Variants in RANBP9 observed in about 807,000 individuals in gnomAD.
RANBP9 encodes ran-binding protein 9.
A neutral mutation model predicts 84.3 loss-of-function variants in RANBP9; 15 were observed. The ratio of observed to expected loss-of-function variants is 0.18; its 90% confidence interval spans 0.12 to 0.27. The LOEUF is 0.27. Ranked by LOEUF, RANBP9 falls within the 10% of genes least tolerant of loss-of-function variation. The probability of loss-of-function intolerance (pLI) is 1.00; values close to 1 mark genes in which losing one functional copy is unlikely to be tolerated. For missense variants in RANBP9, 809 were observed against 912.8 expected (o/e 0.89, Z 1.46); for synonymous variants, 392 against 349.6 (o/e 1.12, Z -1.35).
At chr6:13,680,070 G>C (rs972999799) in intron 2 of RANBP9, among the ~76,000 whole-genome samples, 1 of 152,006 alleles carries the variant, frequency 6.6e-6, no homozygotes, top group African/African-American at 2.4e-5. Flanking sequence ...TTAAAATAAC[G>C]AAGTTAGTCA....
chr6:13,681,850 T>C (rs1766048289), intron 2 of RANBP9, among the ~76,000 whole-genome samples: 2 of 151,958 alleles, frequency 1.3e-5, no homozygotes, highest in East Asian at 1.9e-4. Context: ...GTGAACCTTC[T>C]GTGAAGTGCC....
rs61237158 is a variant in RANBP9, at chr6:13,692,527, C to CAAA, written c.683+4255_683+4257dup. The stretch of plus-strand genomic sequence containing the variant: ...GGGCAACAAGAGCGAAACTCCGTCT[C>CAAA]AAAAAAAAAAAAAAAAAAAAAAAAA... On this transcript the variant is annotated intron_variant, in intron 2 of 13. Transcript: ENST00000011619. 9.3e-3 allele frequency among the ~76,000 whole-genome samples: 266 copies of CAAA among 28,672 alleles called. 37 individuals are homozygous for CAAA. Among genetic ancestry groups the CAAA allele is most frequent in the South Asian group, 0.02 (7 of 348 alleles). The allele number at this position is 28,672 out of a possible 152,430, so 18.8% of individuals were successfully genotyped here.
intron 2 of RANBP9, among the ~76,000 whole-genome samples, chr6:13,676,846 A>C (rs1189771491): frequency 1.3e-5 from 2 of 152,126 alleles, no homozygotes; most frequent in African/African-American, 4.8e-5. Context: ...TAAACTAGGA[A>C]TAGAGGGGGA....
chr6:13,711,266 C>G lies in RANBP9; in HGVS notation c.240G>C (p.Ala80=). 1.0e-6 allele frequency: 1 copy of G among 979,226 alleles called. No individual in the cohort carries two copies. Among genetic ancestry groups the G allele is most frequent in the Non-Finnish European group, 1.2e-6 (1 of 825,776 alleles). The allele number at this position is 979,226 out of a possible 1,614,324, so 60.7% of individuals were successfully genotyped here. A position where few individuals can be genotyped will look rare whatever the true frequency, so the allele number is the denominator to read the frequency against. The change falls in exon 1 of 14, where the codon GCG becomes GCC. Residue 80 remains alanine, a synonymous_variant. Transcript: ENST00000011619. ...HPPPPPPPAT[A]APPPPPPPPP... ...GGGGCGGCGGCGGGGGCGGCGGGGC[C>G]GCGGTGGCCGGGGGCGGCGGCGGCG...
chr6:13,667,461 A>G (rs1765676368), intron 2 of RANBP9, among the ~76,000 whole-genome samples: 1 of 152,198 alleles, frequency 6.6e-6, no homozygotes, highest in African/African-American at 2.4e-5. Flanking sequence ...TGCAAGAAAC[A>G]CTTTTAAAAA....
chr6:13,632,270 T>C, intron 12 of RANBP9, 100 bp downstream of exon 12: 1 of 1,257,822 alleles, frequency 8.0e-7, no homozygotes, highest in South Asian at 1.5e-5. Context: ...CAGGTCCCAG[T>C]TCCCTAACAA....
At chr6:13,632,127 T>TG (rs1375338206) in intron 12 of RANBP9, among the ~76,000 whole-genome samples, 1 of 7,424 alleles carries the variant, frequency 1.3e-4, no homozygotes, top group African/African-American at 6.8e-4. Context: ...CCTTTTTTTT[T>TG]TTTTTTTTTT....
chr6:13,684,491 A>G (rs949667090), intron 2 of RANBP9, among the ~76,000 whole-genome samples: 2 of 152,176 alleles, frequency 1.3e-5, no homozygotes, highest in Non-Finnish European at 2.9e-5. Context: ...TACCTAACCT[A>G]TAGTTTCCCA....
chr6:13,699,376 G>T (rs187581046), intron 1 of RANBP9, among the ~76,000 whole-genome samples: 98 of 152,212 alleles, frequency 6.4e-4, no homozygotes, highest in African/African-American at 2.2e-3. Flanking sequence ...AAGGTATAAG[G>T]AAAAGTTTAA....
intron 2 of RANBP9, among the ~76,000 whole-genome samples, chr6:13,691,163 C>CAAA (rs767728179): frequency 1.7e-5 from 1 of 57,472 alleles, no homozygotes. Context: ...GACTCCGTCT[C>CAAA]AAAAAAAAAA....
At chr6:13,682,058 C>T (rs1235366337) in intron 2 of RANBP9, among the ~76,000 whole-genome samples, 3 of 151,920 alleles carry the variant, frequency 2.0e-5, no homozygotes, top group East Asian at 3.9e-4. Flanking sequence ...GATGGGGTTT[C>T]GCCACATTGG....
intron 2 of RANBP9, among the ~76,000 whole-genome samples, chr6:13,668,850 A>C (rs1765710526): frequency 1.3e-5 from 2 of 152,106 alleles, no homozygotes; most frequent in South Asian, 4.1e-4. Context: ...TTCTCTCACC[A>C]CTTCTATTCA....
At chr6:13,707,207 C>T (rs1032287015) in intron 1 of RANBP9, among the ~76,000 whole-genome samples, 10 of 151,864 alleles carry the variant, frequency 6.6e-5, no homozygotes, top group Non-Finnish European at 1.5e-4. Flanking sequence ...GGGGTAGAGA[C>T]GGGGTCCCAC....
At chr6:13,637,137 T>G (rs1400996394) in intron 10 of RANBP9, among the ~76,000 whole-genome samples, 2 of 152,304 alleles carry the variant, frequency 1.3e-5, no homozygotes, top group East Asian at 3.9e-4. Context: ...TCATAAATAT[T>G]AAACCTGAGT....
intron 2 of RANBP9, among the ~76,000 whole-genome samples, chr6:13,692,540 A>AC (rs1766349387): frequency 6.9e-6 from 1 of 145,408 alleles, no homozygotes; most frequent in Admixed American, 6.9e-5. Flanking sequence ...AAAAAAAAAA[A>AC]AAAAAAAAAA....
chr6:13,681,144 T>A (rs1766026185), intron 2 of RANBP9, among the ~76,000 whole-genome samples: 1 of 152,174 alleles, frequency 6.6e-6, no homozygotes, highest in African/African-American at 2.4e-5. Context: ...ATCACATGCA[T>A]CATGCTAAGT....
intron 2 of RANBP9, among the ~76,000 whole-genome samples, chr6:13,663,763 C>A (rs566154686): frequency 1.3e-5 from 2 of 152,044 alleles, no homozygotes; most frequent in East Asian, 3.9e-4. Context: ...ACATTCAAAA[C>A]CAATCAATGT....
At chr6:13,635,789 G>T (rs1377716392) in intron 10 of RANBP9, among the ~76,000 whole-genome samples, 1 of 151,252 alleles carries the variant, frequency 6.6e-6, no homozygotes, top group African/African-American at 2.4e-5. Flanking sequence ...GCTTTCAGTG[G>T]CTTTTTAAAA....
At position 13,642,485 on chromosome 6, in the gene RANBP9, T is replaced by C; in HGVS notation, c.1219A>G (p.Arg407Gly). ...VLEELASIKN[R>G]QRIQKLVLAG... ...TGCACCACAGTGTCCTTACTTTGTC[T>C]ATTCTTAATGGAAGCTAATTCTTCT... is the stretch of plus-strand genomic sequence containing the variant. The change falls in exon 7 of 14, where the codon AGA (arginine) becomes GGA (glycine). Residue 407 changes from arginine to glycine, a missense_variant. Physicochemically the swap from Arg to Gly is moderately radical, Grantham distance 125 (BLOSUM62 -2). Around this residue, in one of 5 missense-constraint regions of RANBP9, gnomAD observed 216 missense variants for 329.0 expected, o/e 0.66. Coordinates refer to ENST00000011619, the MANE Select transcript of RANBP9 (RefSeq NM_005493.3). The C allele has an allele frequency of 6.4e-7, 1 of 1,573,926 alleles. No individual in the cohort carries two copies. Among genetic ancestry groups the C allele is most frequent in the Non-Finnish European group, 8.7e-7 (1 of 1,151,898 alleles).
Sources: gnomAD v4.1 joint callset for allele counts (sites outside exome capture counted in the v4.1 genomes callset) on GRCh38, gnomAD v4.1.1 for gene constraint, gnomAD v4.1.1 regional missense constraint, MANE v1.5 for transcripts, NCBI Gene and HGNC (gene_info 2026-07-23, HGNC 2026-07-21) for gene names.